The following DPYD variants were observed in gnomAD, a reference collection of about 807,000 sequenced individuals.
DPYD encodes the protein dihydropyrimidine dehydrogenase [NADP(+)].
A neutral mutation model predicts 116.2 loss-of-function variants in DPYD; 109 were observed. The observed-to-expected ratio is 0.94, with a 90% confidence interval of 0.80 to 1.10. The LOEUF (loss-of-function observed/expected upper bound fraction) is 1.10. Among genes scored for constraint, DPYD ranks in the 50% least tolerant of loss-of-function variants. The pLI is 0.00. For missense variants in DPYD, 1,302 were observed against 1,254.5 expected, an observed-to-expected ratio of 1.04 and a Z score of -0.57; for synonymous variants, 440 against 432.0, an observed-to-expected ratio of 1.02 and a Z score of -0.23.
At chr1:97,725,466 G>A (rs1028305975) in intron 4 of DPYD, among the ~76,000 whole-genome samples, 1 of 151,454 alleles carries the variant, frequency 6.6e-6, no homozygotes, top group Non-Finnish European at 1.5e-5. Context: ...AAATTCATAG[G>A]AAAATCCAGA....
At chr1:97,565,516 A>G (rs1013709979) in intron 11 of DPYD, among the ~76,000 whole-genome samples, 1 of 152,088 alleles carries the variant, frequency 6.6e-6, no homozygotes, top group South Asian at 2.1e-4. Context: ...GTAACCACAC[A>G]CCATCTGGTC....
At chr1:97,625,222 A>T (rs998029860) in intron 8 of DPYD, among the ~76,000 whole-genome samples, 2 of 152,088 alleles carry the variant, frequency 1.3e-5, no homozygotes, top group Non-Finnish European at 2.9e-5. Context: ...TGCCTCATAA[A>T]TGTATACAAT....
intron 14 of DPYD, among the ~76,000 whole-genome samples, chr1:97,394,828 T>C (rs1672923512): frequency 6.6e-6 from 1 of 152,038 alleles, no homozygotes; most frequent in African/African-American, 2.4e-5. Flanking sequence ...CAAAGGATGG[T>C]GTATTTAAGG....
At chr1:97,305,427 A>G (rs1558014340) in intron 17 of DPYD, 49 bp from the exon 18 acceptor site, 1 of 1,610,618 alleles carries the variant, frequency 6.2e-7, no homozygotes, top group Non-Finnish European at 8.5e-7. Flanking sequence ...AAGACACGAT[A>G]GTTAAAACCC....
intron 13 of DPYD, among the ~76,000 whole-genome samples, chr1:97,483,480 C>T (rs777791352): frequency 1.8e-4 from 27 of 152,026 alleles, no homozygotes; most frequent in African/African-American, 2.2e-4. Flanking sequence ...GGGAGGCGAA[C>T]GACACTGACT....
At chr1:97,808,147 T>A (rs1347799433) in intron 3 of DPYD, among the ~76,000 whole-genome samples, 2 of 152,140 alleles carry the variant, frequency 1.3e-5, no homozygotes, top group Non-Finnish European at 2.9e-5. Context: ...ATAAGCAAGA[T>A]ATAACCTCCT....
chr1:97,674,881 C>T (rs779674625), intron 8 of DPYD, among the ~76,000 whole-genome samples: 6 of 152,154 alleles, frequency 3.9e-5, no homozygotes, highest in Non-Finnish European at 4.4e-5. Flanking sequence ...ATTTAACTCA[C>T]TAATAGCTAC....
chr1:97,455,550 A>C (rs1302848521), intron 13 of DPYD, among the ~76,000 whole-genome samples: 1 of 151,900 alleles, frequency 6.6e-6, no homozygotes, highest in African/African-American at 2.4e-5. Context: ...GAGGAAAATC[A>C]CTCTACAAAC....
At chr1:97,736,944 C>T (rs1176411769) in intron 4 of DPYD, among the ~76,000 whole-genome samples, 1 of 151,446 alleles carries the variant, frequency 6.6e-6, no homozygotes, top group African/African-American at 2.4e-5. Flanking sequence ...ATTTAGAACA[C>T]TGATTTTTGA....
intron 8 of DPYD, among the ~76,000 whole-genome samples, chr1:97,641,074 T>C (rs1557855269): frequency 6.6e-6 from 1 of 152,184 alleles, no homozygotes; most frequent in Admixed American, 6.6e-5. Flanking sequence ...GTCTGGCACA[T>C]GGATGGAGTG....
At chr1:97,254,860 T>A (rs1663346204) in intron 18 of DPYD, among the ~76,000 whole-genome samples, 1 of 152,160 alleles carries the variant, frequency 6.6e-6, no homozygotes, top group Non-Finnish European at 1.5e-5. Flanking sequence ...ACTTGCTAAG[T>A]GTATGTCAAG....
intron 14 of DPYD, among the ~76,000 whole-genome samples, chr1:97,384,704 A>G (rs775155095): frequency 1.2e-4 from 18 of 152,154 alleles, no homozygotes; most frequent in Non-Finnish European, 2.2e-4. Flanking sequence ...ATATTAAAAT[A>G]CACAGGACTA....
At chr1:97,565,602 T>C (rs1652463211) in intron 11 of DPYD, among the ~76,000 whole-genome samples, 1 of 152,182 alleles carries the variant, frequency 6.6e-6, no homozygotes, top group Non-Finnish European at 1.5e-5. Flanking sequence ...TATATGATGT[T>C]CTCTGTAACA....
intron 16 of DPYD, among the ~76,000 whole-genome samples, chr1:97,331,724 A>G (rs916966360): frequency 6.6e-6 from 1 of 152,224 alleles, no homozygotes; most frequent in Admixed American, 6.5e-5. Flanking sequence ...GCTACAAATT[A>G]TATGATGATG....
chr1:97,744,135 T>G (rs1050059412), intron 3 of DPYD, among the ~76,000 whole-genome samples: 15 of 152,054 alleles, frequency 9.9e-5, no homozygotes, highest in Non-Finnish European at 1.5e-4. Flanking sequence ...TATGAAAACT[T>G]AAGTACTGTT....
intron 19 of DPYD, among the ~76,000 whole-genome samples, chr1:97,228,228 T>TA (rs1157232967): frequency 6.6e-6 from 1 of 151,978 alleles, no homozygotes; most frequent in African/African-American, 2.4e-5. Flanking sequence ...ACATATTTAT[T>TA]AAAAAATGAA....
chr1:97,568,308 C>T lies in DPYD; in HGVS notation c.1339+5452G>A, dbSNP rs986883748. On this transcript the variant is annotated intron_variant, in intron 11 of 22. Transcript: ENST00000370192. ...AAGTTAATATAAATCAATTTAATTA[C>T]TAAAATATGGTTTTGTTACAGATTA... is the stretch of plus-strand genomic sequence containing the variant. Among the ~76,000 whole-genome samples, 4 of 152,108 alleles carry T rather than the reference C, an allele frequency of 2.6e-5. No individual in the cohort carries two copies. In the East Asian group the frequency reaches 5.8e-4, roughly 22 times the overall value.
At chr1:97,096,386 A>G (rs1156880279) in intron 21 of DPYD, among the ~76,000 whole-genome samples, 4 of 152,174 alleles carry the variant, frequency 2.6e-5, no homozygotes, top group Non-Finnish European at 5.9e-5. Context: ...ATCTTCCTTT[A>G]GAAATTTTTA....
intron 13 of DPYD, among the ~76,000 whole-genome samples, chr1:97,505,664 A>ATAT (rs1454852661): frequency 6.6e-6 from 1 of 151,948 alleles, no homozygotes; most frequent in Admixed American, 6.6e-5. Flanking sequence ...CATTACACAC[A>ATAT]TATACACACA....
Sources: allele counts gnomAD v4.1 joint callset (sites outside exome capture counted in the v4.1 genomes callset), GRCh38; gene constraint gnomAD v4.1.1; transcripts MANE v1.5; gene names NCBI Gene and HGNC (gene_info 2026-07-23, HGNC 2026-07-21).